MAGI2: variants seen among roughly 807,000 people sequenced by gnomAD.
The protein encoded by MAGI2 is membrane associated guanylate kinase, WW and PDZ domain containing 2.
A neutral mutation model predicts 133.3 loss-of-function variants in MAGI2; 35 were observed. That is an observed-to-expected ratio of 0.26 (90% CI 0.20 to 0.35). MAGI2 has a LOEUF of 0.35. MAGI2 is among the 10% of genes least tolerant of loss of function. The pLI, the probability that MAGI2 is intolerant of heterozygous loss-of-function variation, is 1.00. For synonymous variants in MAGI2, 729 were observed against 710.6 expected (o/e 1.03, Z -0.41); for missense variants, 1,636 against 1,863.4 (o/e 0.88, Z 2.25).
intron 1 of MAGI2, among the ~76,000 whole-genome samples, chr7:79,136,823 CATATATGTG>C (rs774022397): frequency 5.9e-5 from 9 of 152,102 alleles, no homozygotes; most frequent in Admixed American, 1.3e-4. Context: ...TTGCCTTACA[CATATATGTG>C]CACAAGGCAG....
intron 2 of MAGI2, among the ~76,000 whole-genome samples, chr7:79,005,381 A>T (rs572659572): frequency 6.6e-6 from 1 of 152,154 alleles, no homozygotes; most frequent in Non-Finnish European, 1.5e-5. Flanking sequence ...CTGAAATTAC[A>T]TCTTGAAGCT....
intron 10 of MAGI2, among the ~76,000 whole-genome samples, chr7:78,204,206 T>C (rs780545183): frequency 4.6e-4 from 70 of 152,222 alleles, no homozygotes; most frequent in Non-Finnish European, 3.4e-4. Flanking sequence ...ATAATTTCTA[T>C]TGGGCATGAT....
intron 1 of MAGI2, among the ~76,000 whole-genome samples, chr7:79,304,454 C>A (rs547018938): frequency 6.6e-6 from 1 of 152,060 alleles, no homozygotes; most frequent in Admixed American, 6.6e-5. Context: ...AGGTTGAAAT[C>A]TGCTGTCCTA....
Position 79,305,733 on chromosome 7 carries a change from C to A in MAGI2, c.301+147287G>T, listed in dbSNP as rs192702163. On this transcript the variant is annotated intron_variant, in intron 1 of 21. Transcript: ENST00000354212. Reference sequence around the variant, plus strand: ...GACCTGCCTAGACAAAACAGTGAGACCCTGTCTCTACAAAAAATAAGAATA... The same window carrying A: ...GACCTGCCTAGACAAAACAGTGAGAACCTGTCTCTACAAAAAATAAGAATA... Among the ~76,000 whole-genome samples the A allele has an allele frequency of 3.3e-5, 5 of 152,112 alleles. No individual in the cohort carries two copies. In the East Asian group the frequency reaches 5.8e-4, roughly 18 times the overall value.
At chr7:79,165,052 T>C (rs1480866647) in intron 1 of MAGI2, among the ~76,000 whole-genome samples, 2 of 152,112 alleles carry the variant, frequency 1.3e-5, no homozygotes, top group Non-Finnish European at 2.9e-5. Flanking sequence ...TCAGAATGTT[T>C]AGGAACTCAG....
intron 2 of MAGI2, among the ~76,000 whole-genome samples, chr7:78,906,123 T>C (rs1157301002): frequency 4.6e-5 from 7 of 152,204 alleles, no homozygotes. Flanking sequence ...CTACTACTAA[T>C]ATAGAAATGC....
intron 1 of MAGI2, among the ~76,000 whole-genome samples, chr7:79,289,313 T>C (rs1350746500): frequency 1.3e-5 from 2 of 152,116 alleles, no homozygotes; most frequent in African/African-American, 4.8e-5. Flanking sequence ...CCACTAAAAA[T>C]TAACTGGGAG....
At chr7:79,122,716 C>T (rs1820015892) in intron 1 of MAGI2, among the ~76,000 whole-genome samples, 1 of 151,032 alleles carries the variant, frequency 6.6e-6, no homozygotes, top group African/African-American at 2.4e-5. Flanking sequence ...GTGATCTTGA[C>T]TCACTGCAAC....
intron 1 of MAGI2, among the ~76,000 whole-genome samples, chr7:79,039,810 C>T (rs1811456224): frequency 6.9e-6 from 1 of 145,374 alleles, no homozygotes; most frequent in Admixed American, 6.9e-5. Context: ...TATGTATACA[C>T]ATATATACAT....
At chr7:79,288,088 T>C (rs1427054705) in intron 1 of MAGI2, among the ~76,000 whole-genome samples, 2 of 152,162 alleles carry the variant, frequency 1.3e-5, no homozygotes, top group African/African-American at 4.8e-5. Context: ...GCAAACTTAG[T>C]ATAAAACTGC....
intron 6 of MAGI2, among the ~76,000 whole-genome samples, chr7:78,398,295 T>C (rs945345568): frequency 3.3e-5 from 5 of 152,152 alleles, no homozygotes; most frequent in African/African-American, 7.2e-5. Context: ...TGCGGCTTTT[T>C]TTGTCTGGAT....
At chr7:78,295,541 G>A (rs1034230195) in intron 9 of MAGI2, among the ~76,000 whole-genome samples, 6 of 152,072 alleles carry the variant, frequency 3.9e-5, no homozygotes, top group Non-Finnish European at 8.8e-5. Flanking sequence ...TATCTTCCTC[G>A]AGGAATTTCT....
chr7:78,056,503 T>A (rs1001528691), intron 21 of MAGI2, among the ~76,000 whole-genome samples: 1 of 152,136 alleles, frequency 6.6e-6, no homozygotes, highest in Non-Finnish European at 1.5e-5. Context: ...AGGAACAAGA[T>A]CATGTCCTTT....
intron 1 of MAGI2, among the ~76,000 whole-genome samples, chr7:79,387,523 T>G (rs1844279116): frequency 6.6e-6 from 1 of 152,084 alleles, no homozygotes; most frequent in Non-Finnish European, 1.5e-5. Context: ...AATGAGGTTT[T>G]TTTCCAGAAA....
intron 10 of MAGI2, among the ~76,000 whole-genome samples, chr7:78,204,310 C>T (rs974333006): frequency 7.2e-5 from 11 of 152,202 alleles, no homozygotes; most frequent in Non-Finnish European, 1.2e-4. Flanking sequence ...TATTACACCT[C>T]GCTTGGCGTC....
chr7:78,141,847 T>C (rs1822791326), intron 16 of MAGI2, among the ~76,000 whole-genome samples: 1 of 152,170 alleles, frequency 6.6e-6, no homozygotes, highest in South Asian at 2.1e-4. Context: ...GAACTCACGT[T>C]GCTGAGGGCA....
intron 6 of MAGI2, among the ~76,000 whole-genome samples, chr7:78,381,787 T>C (rs1471495834): frequency 2.6e-5 from 4 of 152,138 alleles, no homozygotes; most frequent in Admixed American, 2.6e-4. Flanking sequence ...TTCAAAAGCT[T>C]GACAACACAC....
At chr7:78,948,948 A>T (rs1801652104) in intron 2 of MAGI2, among the ~76,000 whole-genome samples, 1 of 152,216 alleles carries the variant, frequency 6.6e-6, no homozygotes. Context: ...CTGAATTCTA[A>T]AGAGAAAAAG....
At chr7:78,345,855 T>C in intron 8 of MAGI2, 67 bp downstream of exon 8, 2 of 1,595,188 alleles carry the variant, frequency 1.3e-6, no homozygotes, top group Non-Finnish European at 1.7e-6. Context: ...ACAGACATAT[T>C]TGGAAGAGCA....
Sources: gnomAD v4.1 joint callset for allele counts (sites outside exome capture counted in the v4.1 genomes callset) on GRCh38, gnomAD v4.1.1 for gene constraint, MANE v1.5 for transcripts, NCBI Gene and HGNC (gene_info 2026-07-23, HGNC 2026-07-21) for gene names.